NFATC2: variants seen among roughly 807,000 people sequenced by gnomAD.
NFATC2 encodes nuclear factor of activated T cells 2.
NFATC2 carries 22 observed loss-of-function variants against 87.3 expected under a neutral mutation model. The ratio of observed to expected loss-of-function variants is 0.25; its 90% CI spans 0.18 to 0.36. The LOEUF (loss-of-function observed/expected upper bound fraction) is 0.36, where lower values mean the gene tolerates loss of function less well. Ranked by LOEUF, NFATC2 falls within the 10% of genes least tolerant of loss-of-function variation. The pLI, the probability that NFATC2 is intolerant of heterozygous loss-of-function variation, is 1.00. For synonymous variants in NFATC2, 565 were observed against 542.2 expected (o/e 1.04, Z -0.58); for missense variants, 1,149 against 1,259.1 (o/e 0.91, Z 1.32).
At chr20:51,444,372 GC>G (rs775332238) in intron 6 of NFATC2, among the ~76,000 whole-genome samples, 23 of 151,714 alleles carry the variant, frequency 1.5e-4, no homozygotes, top group Non-Finnish European at 3.1e-4. Context: ...TCGCTAACCA[GC>G]CCGTTTGCTG....
At position 51,524,452 on chromosome 20, in the gene NFATC2, C is replaced by T. The variant is rs6063662; in HGVS notation, c.131-342G>A. 1.3e-5 allele frequency among the ~76,000 whole-genome samples: 2 copies of T among 152,152 alleles called. No individual in the cohort carries two copies. Among genetic ancestry groups the T allele is most frequent in the African/African-American group, 4.8e-5 (2 of 41,430 alleles). On this transcript the variant is annotated intron_variant, in intron 1 of 10. Transcript: ENST00000371564. This position sits in a 1 kb window ranked among gnomAD's most constrained non-coding sequence, Gnocchi z 4.0. ...ACCCACAACTGAAACAAAAGCCTCT[C>T]GAGTCAATACTTACCCCTGCTACAT...
chr20:51,474,661 G>A (rs1175438140), intron 4 of NFATC2, among the ~76,000 whole-genome samples: 1 of 152,174 alleles, frequency 6.6e-6, no homozygotes, highest in East Asian at 1.9e-4. Flanking sequence ...TAACGCCTGG[G>A]AAAGCCGAGG....
At chr20:51,400,689 G>T (rs767032730) in intron 9 of NFATC2, among the ~76,000 whole-genome samples, 5 of 152,156 alleles carry the variant, frequency 3.3e-5, no homozygotes, top group Non-Finnish European at 5.9e-5. Flanking sequence ...ATCAACTCGG[G>T]ACCAGGCCAC....
intron 9 of NFATC2, among the ~76,000 whole-genome samples, chr20:51,423,408 G>A (rs999137658): frequency 4.6e-5 from 7 of 151,948 alleles, no homozygotes; most frequent in Non-Finnish European, 8.8e-5. Flanking sequence ...CCTGAGTGGC[G>A]GCATCATCCT....
intron 1 of NFATC2, among the ~76,000 whole-genome samples, chr20:51,540,647 G>GGT (rs1555818250): frequency 8.9e-6 from 1 of 112,974 alleles, no homozygotes; most frequent in Non-Finnish European, 1.7e-5. Context: ...AAAAACTGAA[G>GGT]TTTTTTTTTT....
chr20:51,393,698 G>A (rs1331374559), intron 10 of NFATC2, among the ~76,000 whole-genome samples: 1 of 152,196 alleles, frequency 6.6e-6, no homozygotes, highest in African/African-American at 2.4e-5. Context: ...GGGGCAGGTG[G>A]GGTCGGGGCA....
chr20:51,433,073 T>G (rs1439241470), intron 8 of NFATC2, among the ~76,000 whole-genome samples: 1 of 152,130 alleles, frequency 6.6e-6, no homozygotes, highest in African/African-American at 2.4e-5. Context: ...AATGCTTGAT[T>G]TCAGATGATG....
At chr20:51,536,984 G>A (rs2076731893) in intron 1 of NFATC2, among the ~76,000 whole-genome samples, 1 of 152,094 alleles carries the variant, frequency 6.6e-6, no homozygotes, top group Non-Finnish European at 1.5e-5. Context: ...ACCCATATTG[G>A]CCTGGGGGCC....
intron 9 of NFATC2, among the ~76,000 whole-genome samples, chr20:51,420,164 G>A (rs2146298296): frequency 6.6e-6 from 1 of 152,296 alleles, no homozygotes; most frequent in South Asian, 2.1e-4. Context: ...TATCATTGTT[G>A]ATGAAGGAAA....
intron 1 of NFATC2, among the ~76,000 whole-genome samples, chr20:51,535,531 T>C (rs1355764656): frequency 6.6e-6 from 1 of 152,246 alleles, no homozygotes; most frequent in African/African-American, 2.4e-5. Flanking sequence ...GGAGCTTTCA[T>C]TTCAGTGCCA....
At chr20:51,438,609 C>G (rs1983907105) in intron 6 of NFATC2, among the ~76,000 whole-genome samples, 1 of 152,172 alleles carries the variant, frequency 6.6e-6, no homozygotes, top group South Asian at 2.1e-4. Flanking sequence ...ACAGAAAATA[C>G]AAAATGGCGG....
At chr20:51,553,669 C>T in intron 1 of NFATC2, among the ~76,000 whole-genome samples, 1 of 118,874 alleles carries the variant, frequency 8.4e-6, no homozygotes, top group Non-Finnish European at 1.8e-5. Flanking sequence ...GAGCAAGACT[C>T]CATCTCAAAA....
intron 3 of NFATC2, among the ~76,000 whole-genome samples, chr20:51,491,877 TACACACACACACACACAC>T (rs33936990): frequency 1.7e-5 from 1 of 57,402 alleles, no homozygotes. Flanking sequence ...CACATACACA[TACACACACACACACACAC>T]ACACACACAC....
chr20:51,501,195 C>T (rs918907542), intron 3 of NFATC2, among the ~76,000 whole-genome samples: 9 of 152,062 alleles, frequency 5.9e-5, no homozygotes, highest in Admixed American at 1.3e-4. Flanking sequence ...GGCAGGTATG[C>T]GTCAGAACAC....
intron 3 of NFATC2, among the ~76,000 whole-genome samples, chr20:51,485,380 C>T (rs1203313568): frequency 1.3e-5 from 2 of 152,238 alleles, no homozygotes; most frequent in African/African-American, 2.4e-5. Flanking sequence ...CTTCCAGCTT[C>T]TGGTCCCCTG....
chr20:51,422,092 T>C (rs1235024907), intron 9 of NFATC2, among the ~76,000 whole-genome samples: 4 of 152,196 alleles, frequency 2.6e-5, no homozygotes, highest in Non-Finnish European at 5.9e-5. Flanking sequence ...CCTTTCAGCT[T>C]TCCTGGGATA....
At chr20:51,485,669 G>C (rs1210301247) in intron 3 of NFATC2, among the ~76,000 whole-genome samples, 1 of 152,094 alleles carries the variant, frequency 6.6e-6, no homozygotes, top group Non-Finnish European at 1.5e-5. Context: ...CCTGGCATTG[G>C]CACTTAATGT....
chr20:51,454,186 C>G (rs546264791), intron 6 of NFATC2, among the ~76,000 whole-genome samples: 84 of 152,242 alleles, frequency 5.5e-4, no homozygotes, highest in African/African-American at 1.8e-3. Context: ...CCCAAGATAT[C>G]CAGGGCCAGA....
At position 51,399,209 on chromosome 20, in the gene NFATC2, TA is replaced by T. The variant is rs1987703830; in HGVS notation, c.2723-480del. ...TCACCTCAGTGGTCAGGGAAATTCA[TA>T]AAACTGCACATTTTCTTCCTGTTTT... On this transcript the variant is annotated intron_variant, in intron 9 of 10. Coordinates refer to ENST00000371564, the MANE Select transcript of NFATC2 (RefSeq NM_012340.5). 1.3e-5 allele frequency: 2 copies of T among 153,950 alleles called. 1 individual carries two copies. Among genetic ancestry groups the T allele is most frequent in the South Asian group, 4.1e-4 (2 of 4,936 alleles). The allele number at this position is 153,950 out of a possible 1,614,324, so 9.5% of individuals were successfully genotyped here. A position where few individuals can be genotyped will look rare whatever the true frequency, so the allele number is the denominator to read the frequency against.
Sources: allele counts gnomAD v4.1 joint callset (sites outside exome capture counted in the v4.1 genomes callset), GRCh38; gene constraint gnomAD v4.1.1; non-coding constraint Gnocchi (gnomAD v3.1); transcripts MANE v1.5; gene names NCBI Gene and HGNC (gene_info 2026-07-23, HGNC 2026-07-21).